PNPLA6: variants seen among roughly 807,000 people sequenced by gnomAD.
The protein encoded by PNPLA6 is patatin like domain 6, lysophospholipase.
Under a neutral mutation model 153.7 loss-of-function variants are expected in PNPLA6, and 105 were observed. The ratio of observed to expected loss-of-function variants is 0.68; its 90% CI spans 0.58 to 0.80. PNPLA6 has a LOEUF of 0.80. Among genes scored for constraint, PNPLA6 ranks in the 30% least tolerant of loss-of-function variants. The pLI is 0.00. For synonymous variants in PNPLA6, 825 were observed against 822.2 expected (o/e 1.00, Z -0.06); for missense variants, 1,423 against 1,919.3 (o/e 0.74, Z 4.83).
chr19:7,548,706 TATATATATATATACACACAC>T (rs1335075325), intron 13 of PNPLA6, among the ~76,000 whole-genome samples: 1 of 5,156 alleles, frequency 1.9e-4, no homozygotes, highest in Non-Finnish European at 3.5e-4. Context: ...ATATGGAACA[TATATATATATATACACACAC>T]ATATATATAC....
intron 29 of PNPLA6, 26 bp from the exon 30 acceptor site, chr19:7,560,988 A>C: frequency 2.0e-6 from 3 of 1,534,984 alleles, no homozygotes; most frequent in African/African-American, 1.4e-5. Flanking sequence ...GCCCCCCCTA[A>C]GAGCCTCACC....
At chr19:7,535,645 T>C (rs377362518), upstream of PNPLA6, 6,721 of 1,558,834 alleles carry the variant, frequency 4.3e-3, 26 homozygotes, top group Non-Finnish European at 5.5e-3. This position sits in a 1 kb window ranked among gnomAD's most constrained non-coding sequence, Gnocchi z 5.0. Flanking sequence ...ACTCCCGGCG[T>C]GCTCAGCGCG....
rs1568415448 is a variant in PNPLA6, at chr19:7,549,976, G to A, written c.1678G>A (p.Asp560Asn). 6.2e-7 allele frequency: 1 copy of A among 1,613,970 alleles called. No homozygotes were observed. The highest frequency in any genetic ancestry group is 1.1e-5 in the South Asian group (1 of 91,090). ...CCAGCGCATGATCGACAAGGCGGAG[G>A]ACGTGTGCCTGTTCGTAGCGCAGCC... ...VYQRMIDKAE[D>N]VCLFVAQPGE... Residue 560 changes from aspartate to asparagine, a missense_variant, in exon 14 of 32, where the codon GAC becomes AAC. Physicochemically the swap from Asp to Asn is conservative, Grantham distance 23. Transcript: ENST00000600737.
Position 7,542,894 on chromosome 19 carries a change from C to T in PNPLA6, c.1496C>T (p.Ala499Val). ...GRQTSSIFEAAKQELAKLMRI... is the reference protein window; with the variant it reads ...GRQTSSIFEAVKQELAKLMRI... ...CAGACCAGCAGCATCTTCGAGGCAG[C>T]AAAGCAGGAGCTGGCCAAGCTGATG... The change falls in exon 12 of 32, where the codon GCA becomes GTA. Residue 499 changes from alanine (A) to valine (V), a missense_variant. Physicochemically the swap from Ala to Val is moderately conservative, Grantham distance 64 (BLOSUM62 0). Coordinates refer to ENST00000600737, the MANE Select transcript of PNPLA6 (RefSeq NM_001166114.2). 6.2e-7 allele frequency: 1 copy of T among 1,613,486 alleles called. No individual in the cohort carries two copies. The highest frequency in any genetic ancestry group is 8.5e-7 in the Non-Finnish European group (1 of 1,179,896).
In PNPLA6 at chr19:7,559,951, T is replaced by C. The variant is rs987170839; in HGVS notation, c.3700-697T>C. On this transcript the variant is annotated intron_variant, in intron 28 of 31. Coordinates refer to ENST00000600737, the MANE Select transcript of PNPLA6 (RefSeq NM_001166114.2). ...AGTCAGGAGTTCAAGACCAGCCTGG[T>C]CAACATGGTGAAACCTCATCTCTAC... Among the ~76,000 whole-genome samples the C allele has an allele frequency of 2.6e-5, 4 of 151,756 alleles. No homozygotes were observed. The South Asian group carries it at 8.3e-4, about 32-fold the overall frequency.
chr19:7,540,135 C>G lies in PNPLA6; in HGVS notation c.555-14C>G, dbSNP rs772339510. On this transcript the variant is annotated splice_polypyrimidine_tract_variant and intron_variant, in intron 4 of 31. Coordinates refer to ENST00000600737, the MANE Select transcript of PNPLA6 (RefSeq NM_001166114.2). The surrounding 1 kb of genome is among the most constrained non-coding windows in gnomAD (Gnocchi z 6.8). Reference sequence around the variant, plus strand: ...CTGACCTCCAGCCTCTGTCGCCCACCGCCTGTCCAACAGGGTGCTGGGCCA... The same window carrying G: ...CTGACCTCCAGCCTCTGTCGCCCACGGCCTGTCCAACAGGGTGCTGGGCCA... 29 of 1,612,882 alleles carry G rather than the reference C, an allele frequency of 1.8e-5. No homozygotes were observed. The South Asian group carries it at 3.1e-4, about 17-fold the overall frequency.
rs1258656586 is a variant in PNPLA6 at position 7,553,858 on chromosome 19, C to A, written c.2261-17C>A. ...ACAGGTTCGCACCACAAATCTCATC[C>A]ATTGGGTTCTTAGCAGGCTCTGGGT... On this transcript the variant is annotated splice_polypyrimidine_tract_variant and intron_variant, in intron 18 of 31. Transcript: ENST00000600737. 6.2e-7 allele frequency: 1 copy of A among 1,614,198 alleles called. No homozygotes were observed. Among genetic ancestry groups the A allele is most frequent in the Non-Finnish European group, 8.5e-7 (1 of 1,180,020 alleles).
intron 3 of PNPLA6, among the ~76,000 whole-genome samples, chr19:7,539,237 G>A (rs2023009178): frequency 6.6e-6 from 1 of 152,212 alleles, no homozygotes; most frequent in Admixed American, 6.5e-5. Flanking sequence ...TAGCACTTTG[G>A]GAGGCTGAGG....
Position 7,549,959 on chromosome 19 carries a change from T to C in PNPLA6, c.1661T>C (p.Met554Thr). 1 of 1,613,870 alleles carries C rather than the reference T, an allele frequency of 6.2e-7. No individual in the cohort carries two copies. The highest frequency in any genetic ancestry group is 8.5e-7 in the Non-Finnish European group (1 of 1,180,044). Reference sequence around the variant, plus strand: ...GGCTGCCTGCACGTGTACCAGCGCATGATCGACAAGGCGGAGGACGTGTGC... The same window carrying C: ...GGCTGCCTGCACGTGTACCAGCGCACGATCGACAAGGCGGAGGACGTGTGC... ...LWGCLHVYQRMIDKAEDVCLF... is the reference protein window; with the variant it reads ...LWGCLHVYQRTIDKAEDVCLF... The change falls in exon 14 of 32, where the codon ATG becomes ACG. Residue 554 changes from methionine (M) to threonine (T), a missense_variant. Physicochemically the swap from Met to Thr is moderately conservative, Grantham distance 81. This residue lies in a region of PNPLA6 where 119 missense variants were observed against 163.7 expected (regional missense o/e 0.73). Transcript: ENST00000600737.
Position 7,557,160 on chromosome 19 carries a change from C to T in PNPLA6, c.3281-8C>T. The T allele has an allele frequency of 1.2e-6, 2 of 1,601,942 alleles. No individual in the cohort carries two copies. The highest frequency in any genetic ancestry group is 1.7e-6 in the Non-Finnish European group (2 of 1,170,894). ...TGCGTGTTTGTGTCTGTGTGTCCCA[C>T]CGCGCAGGCTCCCTGTGGCGGTACG... is the stretch of plus-strand genomic sequence containing the variant. On this transcript the variant is annotated splice_region_variant and splice_polypyrimidine_tract_variant and intron_variant, in intron 26 of 31. Coordinates refer to ENST00000600737, the MANE Select transcript of PNPLA6 (RefSeq NM_001166114.2).
intron 13 of PNPLA6, among the ~76,000 whole-genome samples, chr19:7,546,231 T>C (rs586551): frequency 0.67 from 102,290 of 151,860 alleles, 35,049 homozygotes; most frequent in South Asian, 0.79. Context: ...CTCTAAGAAA[T>C]AAAAAAGGAA....
rs45474094 is a variant in PNPLA6, at chr19:7,561,389, C to G, written c.4023+72C>G. 190,692 of 1,426,850 alleles carry G rather than the reference C, an allele frequency of 0.13. 14,200 individuals are homozygous for G. Among genetic ancestry groups the G allele is most frequent in the African/African-American group, 0.24 (17,070 of 71,442 alleles). 88.4% of individuals were successfully genotyped at this position (1,426,850 alleles called of 1,614,324 possible). Reference sequence around the variant, plus strand: ...TGAGTACAGTGTCAGGCAGGGGAGCCGGGGGCGTATTTGAGATCCTGTGTG... The same window carrying G: ...TGAGTACAGTGTCAGGCAGGGGAGCGGGGGGCGTATTTGAGATCCTGTGTG... On this transcript the variant is annotated intron_variant, in intron 31 of 31. Coordinates refer to ENST00000600737, the MANE Select transcript of PNPLA6 (RefSeq NM_001166114.2).
rs2023837028 is a variant in PNPLA6, at chr19:7,555,460, G to C, written c.2936+93G>C. On this transcript the variant is annotated intron_variant, in intron 23 of 31. Transcript: ENST00000600737. The surrounding 1 kb of genome is among the most constrained non-coding windows in gnomAD (Gnocchi z 6.3). Reference sequence around the variant, plus strand: ...CCGTGGGGGCGGGGCCTGGGTGTTCGAGGGTGGAGCTTCCCCTCCGGGAGA... The same window carrying C: ...CCGTGGGGGCGGGGCCTGGGTGTTCCAGGGTGGAGCTTCCCCTCCGGGAGA... 7.5e-7 allele frequency: 1 copy of C among 1,338,018 alleles called. No homozygotes were observed. 82.9% of individuals were successfully genotyped at this position (1,338,018 alleles called of 1,614,324 possible). A position where few individuals can be genotyped will look rare whatever the true frequency, so the allele number is the denominator to read the frequency against.
chr19:7,554,055 G>GGGT, intron 19 of PNPLA6, 40 bp downstream of exon 19: 1 of 1,564,062 alleles, frequency 6.4e-7, no homozygotes, highest in Non-Finnish European at 8.8e-7. Context: ...CTGGCGGTGG[G>GGGT]TGGGACATTA....
In PNPLA6 at chr19:7,559,052, G is replaced by T. The variant is rs149359299; in HGVS notation, c.3600G>T (p.Arg1200=). 1.4e-5 allele frequency: 23 copies of T among 1,614,094 alleles called. No individual in the cohort carries two copies. Among genetic ancestry groups the T allele is most frequent in the Non-Finnish European group, 1.9e-5 (22 of 1,180,026 alleles). The part of the protein sequence containing the change: ...QSRLAYVSCV[R]QLEVVKSSSY... ...GCCTGGCCTACGTGTCCTGTGTGCG[G>T]CAGCTAGAGGTTGTCAAGTCCAGCT... Residue 1200 remains arginine, a synonymous_variant, in exon 28 of 32, where the codon CGG becomes CGT. Coordinates refer to ENST00000600737, the MANE Select transcript of PNPLA6 (RefSeq NM_001166114.2).
Position 7,561,336 on chromosome 19 carries a change from G to T in PNPLA6, c.4023+19G>T. On this transcript the variant is annotated intron_variant, in intron 31 of 31. Transcript: ENST00000600737. ...CGAGATGGTGAGAGTGGGTGGCCCAGGGTCCCCTCACATCCCCCAGAGGGT... is the reference window on the plus strand; with the variant it reads ...CGAGATGGTGAGAGTGGGTGGCCCATGGTCCCCTCACATCCCCCAGAGGGT... The T allele has an allele frequency of 6.4e-7, 1 of 1,561,350 alleles. No homozygotes were observed. The highest frequency in any genetic ancestry group is 2.3e-5 in the East Asian group (1 of 44,040).
At position 7,556,528 on chromosome 19, in the gene PNPLA6, A is replaced by C. The variant is rs768127106; in HGVS notation, c.3169A>C (p.Asn1057His). Residue 1057 changes from asparagine to histidine, a missense_variant, in exon 25 of 32, where the codon AAC (asparagine) becomes CAC (histidine). Coordinates refer to ENST00000600737, the MANE Select transcript of PNPLA6 (RefSeq NM_001166114.2). ...VTSMFTGSAFNRSIHRVFQDK... is the reference protein window; with the variant it reads ...VTSMFTGSAFHRSIHRVFQDK... ...CTCCATGTTCACTGGGTCTGCCTTT[A>C]ACCGCAGCATCCATCGGGTCTTCCA... 1 of 1,613,754 alleles carries C rather than the reference A, an allele frequency of 6.2e-7. No individual in the cohort carries two copies.
rs2146053863 is a variant in PNPLA6, at chr19:7,540,979, G to A, written c.852G>A (p.Val284=). The part of the protein sequence containing the change: ...VSARAARDST[V]LRLPVEAFSA... ...CCCGGGCGGCCCGGGACTCCACGGT[G>A]CTGCGCCTGCCGGTGGAAGCATTCT... is the stretch of plus-strand genomic sequence containing the variant. Residue 284 remains valine, a synonymous_variant, in exon 7 of 32, where the codon GTG becomes GTA. Coordinates refer to ENST00000600737, the MANE Select transcript of PNPLA6 (RefSeq NM_001166114.2). The surrounding 1 kb of genome is among the most constrained non-coding windows in gnomAD (Gnocchi z 6.8). 7 of 1,609,908 alleles carry A rather than the reference G, an allele frequency of 4.3e-6. No individual in the cohort carries two copies. The highest frequency in any genetic ancestry group is 5.9e-6 in the Non-Finnish European group (7 of 1,178,974).
At chr19:7,543,484 C>T (rs1448331291) in intron 13 of PNPLA6, among the ~76,000 whole-genome samples, 3 of 152,216 alleles carry the variant, frequency 2.0e-5, no homozygotes, top group Non-Finnish European at 2.9e-5. Flanking sequence ...CATCTGGCCT[C>T]GGAAGGCCAT....
Sources: gnomAD v4.1 joint callset for allele counts (sites outside exome capture counted in the v4.1 genomes callset) on GRCh38, gnomAD v4.1.1 for gene constraint, gnomAD v4.1.1 regional missense constraint, Gnocchi (gnomAD v3.1) non-coding constraint, MANE v1.5 for transcripts, NCBI Gene and HGNC (gene_info 2026-07-23, HGNC 2026-07-21) for gene names.